The following ERICH6 variants were observed in gnomAD, a reference collection of about 807,000 sequenced individuals.
ERICH6 encodes the protein glutamate rich 6.
A neutral mutation model predicts 71.0 loss-of-function variants in ERICH6; 71 were observed. The ratio of observed to expected loss-of-function variants is 1.00; its 90% CI spans 0.83 to 1.22. The LOEUF is 1.22. Ranked by LOEUF, ERICH6 falls within the 50% of genes most tolerant of loss-of-function variation. The pLI, the probability that ERICH6 is intolerant of heterozygous loss-of-function variation, is 0.00. For synonymous variants in ERICH6, 262 were observed against 278.4 expected, an observed-to-expected ratio of 0.94 and a Z score of 0.59; for missense variants, 808 against 797.2, an observed-to-expected ratio of 1.01 and a Z score of -0.16.
rs1351752369 is a variant in ERICH6 at position 150,666,956 on chromosome 3, G to C, written c.1559C>G (p.Ala520Gly). ...AGTGATGGAATTTGACCAATTCCAA[G>C]CCCTTATTCTGTTGCCGGCTTGATC... ...YSDQAGNRIR[A>G]WNWSNSITSS... The change falls in exon 13 of 14, where the codon GCT becomes GGT. Residue 520 changes from alanine to glycine, a missense_variant. Physicochemically the swap from Ala to Gly is moderately conservative, Grantham distance 60. This residue lies in a region of ERICH6 where 736 missense variants were observed against 712.2 expected (regional missense o/e 1.03). Transcript: ENST00000295910. The C allele has an allele frequency of 6.2e-7, 1 of 1,614,118 alleles. No individual in the cohort carries two copies. Among genetic ancestry groups the C allele is most frequent in the Non-Finnish European group, 8.5e-7 (1 of 1,180,010 alleles).
At chr3:150,670,746 A>T (rs1711499141) in intron 11 of ERICH6, among the ~76,000 whole-genome samples, 1 of 152,200 alleles carries the variant, frequency 6.6e-6, no homozygotes, top group South Asian at 2.1e-4. Context: ...AAATGAGATT[A>T]AGAAAGCAAT....
At chr3:150,703,466 CT>C (rs1473018578) in intron 1 of ERICH6, 29 bp downstream of exon 1, 1 of 1,537,082 alleles carries the variant, frequency 6.5e-7, no homozygotes, top group African/African-American at 1.4e-5. Flanking sequence ...ACGAGAAACC[CT>C]CGAGGAAGGG....
At position 150,703,826 on chromosome 3, in the gene ERICH6, A is replaced by G; in HGVS notation, c.73T>C (p.Leu25=). The change falls in exon 1 of 14, where the codon TTA becomes CTA. Residue 25 remains leucine (L), a synonymous_variant. Coordinates refer to ENST00000295910, the MANE Select transcript of ERICH6 (RefSeq NM_152394.5). ...TCTTCCTCCTCCTCCTCCTCCTCTA[A>G]CTCCTCCTCTGACTCCTTCTGGTCC... ...KKDQKESEEE[L]EEEEEEEEVE... is the part of the protein sequence containing the mutation. The G allele has an allele frequency of 7.1e-7, 1 of 1,402,336 alleles. No homozygotes were observed. Among genetic ancestry groups the G allele is most frequent in the Non-Finnish European group, 9.4e-7 (1 of 1,068,892 alleles). The allele number at this position is 1,402,336 out of a possible 1,614,324, so 86.9% of individuals were successfully genotyped here. A position where few individuals can be genotyped will look rare whatever the true frequency, so the allele number is the denominator to read the frequency against.
At chr3:150,679,255 T>A (rs1427065964) in intron 9 of ERICH6, among the ~76,000 whole-genome samples, 1 of 152,096 alleles carries the variant, frequency 6.6e-6, no homozygotes, top group Non-Finnish European at 1.5e-5. Flanking sequence ...AATAGGTTTT[T>A]GGGGAACAGG....
At chr3:150,676,405 C>G (rs1209770115) in intron 10 of ERICH6, among the ~76,000 whole-genome samples, 1 of 152,056 alleles carries the variant, frequency 6.6e-6, no homozygotes, top group Non-Finnish European at 1.5e-5. Context: ...GTTAGACTTC[C>G]TCATTTTCCA....
intron 11 of ERICH6, among the ~76,000 whole-genome samples, chr3:150,672,620 A>C (rs577132436): frequency 2.5e-4 from 37 of 148,004 alleles, no homozygotes; most frequent in Admixed American, 4.7e-4. Context: ...AAAACCATAT[A>C]TTTTTCTTTT....
At chr3:150,671,430 A>C (rs1310402769) in intron 11 of ERICH6, among the ~76,000 whole-genome samples, 1 of 152,204 alleles carries the variant, frequency 6.6e-6, no homozygotes, top group African/African-American at 2.4e-5. Flanking sequence ...ATCAGGCAGA[A>C]AGTCCAAGTG....
chr3:150,669,484 A>G, intron 11 of ERICH6, 33 bp from the exon 12 acceptor site: 2 of 1,604,078 alleles, frequency 1.2e-6, no homozygotes, highest in Non-Finnish European at 1.7e-6. Flanking sequence ...AAATTGTTCT[A>G]ATGCTCCTTG....
At position 150,680,393 on chromosome 3, in the gene ERICH6, T is replaced by G. The variant is rs1027313691; in HGVS notation, c.1111+75A>C. On this transcript the variant is annotated intron_variant, in intron 9 of 13. Transcript: ENST00000295910. The stretch of plus-strand genomic sequence containing the variant: ...AATACTATTTTTTAAATACACCCAT[T>G]TCATCTTTTGGTTAAACATCTGAGC... 9 of 1,466,686 alleles carry G rather than the reference T, an allele frequency of 6.1e-6. No homozygotes were observed. In the South Asian group the frequency reaches 1.0e-4, roughly 17 times the overall value. The allele number at this position is 1,466,686 out of a possible 1,614,324, so 90.9% of individuals were successfully genotyped here. A position where few individuals can be genotyped will look rare whatever the true frequency, so the allele number is the denominator to read the frequency against.
rs144085549 is a variant in ERICH6, at chr3:150,662,184, G to A, written c.1729-2029C>T. 1.5e-3 allele frequency among the ~76,000 whole-genome samples: 229 copies of A among 152,286 alleles called. 1 individual carries two copies. Among genetic ancestry groups the A allele is most frequent in the African/African-American group, 5.3e-3 (221 of 41,572 alleles). Reference sequence around the variant, plus strand: ...AAAACCCTCACTAATACACTAGGGCGCGTAATGGGAACAACTGAAGAGCGA... The same window carrying A: ...AAAACCCTCACTAATACACTAGGGCACGTAATGGGAACAACTGAAGAGCGA... On this transcript the variant is annotated intron_variant, in intron 13 of 13. Coordinates refer to ENST00000295910, the MANE Select transcript of ERICH6 (RefSeq NM_152394.5).
intron 3 of ERICH6, among the ~76,000 whole-genome samples, chr3:150,695,592 T>A (rs1372520706): frequency 2.0e-5 from 3 of 151,822 alleles, no homozygotes; most frequent in African/African-American, 7.3e-5. Flanking sequence ...CGCTTGAACC[T>A]GGGAGGCGGA....
intron 3 of ERICH6, among the ~76,000 whole-genome samples, chr3:150,691,942 A>G (rs1712452863): frequency 6.6e-6 from 1 of 152,120 alleles, no homozygotes; most frequent in South Asian, 2.1e-4. Flanking sequence ...AGAAATTAAA[A>G]CTATTCCACT....
chr3:150,703,527 TG>T lies in ERICH6; in HGVS notation c.371del (p.Ala124GlufsTer27), dbSNP rs781136502. 1 of 1,609,360 alleles carries T rather than the reference TG, an allele frequency of 6.2e-7. No homozygotes were observed. The highest frequency in any genetic ancestry group is 2.2e-5 in the East Asian group (1 of 44,758). ...QSATSTETPS[A>X]SPPSSTSSHK... ...GCGAGGAGGTGCTGGAGGGTGGGCT[TG>T]CGCTCGGCGTTTCAGTGCTGGTCGC... On this transcript the variant is annotated frameshift_variant, in exon 1 of 14. Transcript: ENST00000295910. LOFTEE classifies it high-confidence loss of function.
intron 3 of ERICH6, among the ~76,000 whole-genome samples, chr3:150,697,002 G>T (rs1357774368): frequency 1.3e-5 from 2 of 152,130 alleles, no homozygotes; most frequent in Non-Finnish European, 2.9e-5. Context: ...ACAATTTTAT[G>T]CATCAGTTGG....
intron 3 of ERICH6, among the ~76,000 whole-genome samples, chr3:150,689,577 ATG>A (rs1283511115): frequency 6.6e-6 from 1 of 151,932 alleles, no homozygotes; most frequent in Non-Finnish European, 1.5e-5. Context: ...AACATCCAAG[ATG>A]TGTGTGTGTG....
intron 3 of ERICH6, among the ~76,000 whole-genome samples, chr3:150,691,247 T>G (rs1712418753): frequency 6.6e-6 from 1 of 152,234 alleles, no homozygotes; most frequent in Non-Finnish European, 1.5e-5. Flanking sequence ...GATGAACTCA[T>G]TATAATTTAG....
At chr3:150,682,099 G>A in intron 7 of ERICH6, 119 bp downstream of exon 7, 3 of 842,584 alleles carry the variant, frequency 3.6e-6, no homozygotes, top group Non-Finnish European at 5.6e-6. Flanking sequence ...ACAGGTGTGA[G>A]CCATCAAGCC....
At chr3:150,686,241 C>A in intron 4 of ERICH6, 57 bp downstream of exon 4, 2 of 1,567,204 alleles carry the variant, frequency 1.3e-6, no homozygotes, top group East Asian at 4.5e-5. Flanking sequence ...TAAGGTGATT[C>A]CCTTCTGGTA....
At chr3:150,685,645 T>C in intron 6 of ERICH6, 97 bp downstream of exon 6, 1 of 1,038,132 alleles carries the variant, frequency 9.6e-7, no homozygotes, top group Non-Finnish European at 1.4e-6. Context: ...TTTTTTTTTT[T>C]CCTTTTAGAG....
Sources: allele counts gnomAD v4.1 joint callset (sites outside exome capture counted in the v4.1 genomes callset), GRCh38; gene constraint gnomAD v4.1.1; regional missense constraint gnomAD v4.1.1; transcripts MANE v1.5; gene names NCBI Gene and HGNC (gene_info 2026-07-23, HGNC 2026-07-21).